Variants in FOXN3 observed in about 807,000 individuals in gnomAD.
FOXN3 encodes forkhead box N3, also known as forkhead box protein N3.
FOXN3 carries 7 observed loss-of-function variants against 38.4 expected under a neutral mutation model. The observed-to-expected ratio is 0.18, with a 90% confidence interval of 0.10 to 0.34. FOXN3 has a LOEUF of 0.34. Among genes scored for constraint, FOXN3 ranks in the 10% least tolerant of loss-of-function variants. The pLI, the probability that FOXN3 is intolerant of heterozygous loss-of-function variation, is 1.00. For synonymous variants in FOXN3, 230 were observed against 242.2 expected (o/e 0.95, Z 0.47); for missense variants, 456 against 613.4 (o/e 0.74, Z 2.71).
In FOXN3 at chr14:89,161,771, C is replaced by T. The variant is rs1887111870; in HGVS notation, c.*643G>A. 1 of 152,310 alleles carries T rather than the reference C, an allele frequency of 6.6e-6. No individual in the cohort carries two copies. Among genetic ancestry groups the T allele is most frequent in the Admixed American group, 6.5e-5 (1 of 15,282 alleles). 9.4% of individuals were successfully genotyped at this position (152,310 alleles called of 1,614,324 possible). A position where few individuals can be genotyped will look rare whatever the true frequency, so the allele number is the denominator to read the frequency against. On this transcript the variant is annotated 3_prime_UTR_variant, in exon 6 of 6. Transcript: ENST00000557258. The stretch of plus-strand genomic sequence containing the variant: ...GTCCAACGTCCACCTCGTAAGATGT[C>T]ATCGGGCTTCAGGGTTCAGAAGCAT...
At chr14:89,437,328 G>A (rs749995786) in intron 1 of FOXN3, among the ~76,000 whole-genome samples, 21 of 152,256 alleles carry the variant, frequency 1.4e-4, no homozygotes, top group Admixed American at 2.0e-4. Context: ...TCTAGAACCT[G>A]AGGCAAAACA....
At chr14:89,442,153 T>C (rs1055197007) in intron 1 of FOXN3, among the ~76,000 whole-genome samples, 11 of 152,110 alleles carry the variant, frequency 7.2e-5, no homozygotes, top group Admixed American at 1.3e-4. Flanking sequence ...CTCGAACTCC[T>C]GACCTCAGAT....
At chr14:89,573,187 G>C (rs1895531191) in intron 1 of FOXN3, among the ~76,000 whole-genome samples, 1 of 152,204 alleles carries the variant, frequency 6.6e-6, no homozygotes, top group Non-Finnish European at 1.5e-5. Context: ...GCCCCGATTA[G>C]ATCAGCCGCC....
At chr14:89,599,559 T>A (rs976640091) in intron 1 of FOXN3, among the ~76,000 whole-genome samples, 2 of 147,138 alleles carry the variant, frequency 1.4e-5, no homozygotes, top group African/African-American at 5.4e-5. Context: ...TTTGTTTATT[T>A]TTTATTGTTT....
At chr14:89,606,708 G>C (rs1896282772) in intron 1 of FOXN3, among the ~76,000 whole-genome samples, 1 of 152,136 alleles carries the variant, frequency 6.6e-6, no homozygotes, top group South Asian at 2.1e-4. Flanking sequence ...AAATTAGCTG[G>C]GTGTGGTGGC....
intron 2 of FOXN3, among the ~76,000 whole-genome samples, chr14:89,392,474 A>G (rs1432945901): frequency 6.6e-6 from 1 of 152,182 alleles, no homozygotes; most frequent in Non-Finnish European, 1.5e-5. Flanking sequence ...TCCAGGTGTC[A>G]GCAGGGCTGG....
chr14:89,171,200 AAAG>A (rs1566920398), intron 5 of FOXN3, among the ~76,000 whole-genome samples: 3 of 152,208 alleles, frequency 2.0e-5, no homozygotes, highest in Non-Finnish European at 4.4e-5. Context: ...ATATATTTGA[AAAG>A]AAAAACCCCT....
intron 1 of FOXN3, among the ~76,000 whole-genome samples, chr14:89,459,180 G>T (rs1019320592): frequency 6.6e-6 from 1 of 151,850 alleles, no homozygotes; most frequent in African/African-American, 2.4e-5. Context: ...AAGAAAAAAA[G>T]GGGAAAAAAA....
At chr14:89,368,038 C>G (rs10484024) in intron 2 of FOXN3, among the ~76,000 whole-genome samples, 1 of 151,986 alleles carries the variant, frequency 6.6e-6, no homozygotes, top group Admixed American at 6.6e-5. Context: ...GCTATCAAAA[C>G]GAATCCCAGG....
At chr14:89,467,079 G>A (rs948302087) in intron 1 of FOXN3, among the ~76,000 whole-genome samples, 2 of 152,162 alleles carry the variant, frequency 1.3e-5, no homozygotes, top group African/African-American at 4.8e-5. Flanking sequence ...ATCCAGGACG[G>A]AGCCTGCTGG....
chr14:89,381,874 G>A (rs1890659213), intron 2 of FOXN3, among the ~76,000 whole-genome samples: 1 of 151,732 alleles, frequency 6.6e-6, no homozygotes. Context: ...GAAGGGAAGG[G>A]GAAAGGGAGG....
At chr14:89,351,920 G>A (rs1461993120) in intron 2 of FOXN3, among the ~76,000 whole-genome samples, 1 of 152,122 alleles carries the variant, frequency 6.6e-6, no homozygotes, top group Non-Finnish European at 1.5e-5. Flanking sequence ...CTTTTTAAAA[G>A]TTTAAAAAAA....
intron 4 of FOXN3, among the ~76,000 whole-genome samples, chr14:89,233,178 G>C (rs552529389): frequency 6.6e-6 from 1 of 152,354 alleles, no homozygotes; most frequent in Non-Finnish European, 1.5e-5. Context: ...CCAAGATGCT[G>C]TATATGCAAT....
At chr14:89,182,632 C>A (rs1025709475) in intron 4 of FOXN3, among the ~76,000 whole-genome samples, 1 of 152,240 alleles carries the variant, frequency 6.6e-6, no homozygotes, top group Admixed American at 6.5e-5. Flanking sequence ...TGGTATGCAG[C>A]GAATTATCAT....
At chr14:89,529,142 AC>A (rs1225332492) in intron 1 of FOXN3, among the ~76,000 whole-genome samples, 1 of 152,130 alleles carries the variant, frequency 6.6e-6, no homozygotes, top group Admixed American at 6.5e-5. Context: ...CAATCCCAAA[AC>A]CCAAATTTCT....
intron 1 of FOXN3, among the ~76,000 whole-genome samples, chr14:89,511,535 C>T (rs2139809138): frequency 6.6e-6 from 1 of 151,934 alleles, no homozygotes; most frequent in East Asian, 1.9e-4. Context: ...GCCACTGCAT[C>T]CAGCCGACCT....
At chr14:89,352,533 C>T (rs914122106) in intron 2 of FOXN3, among the ~76,000 whole-genome samples, 1 of 152,162 alleles carries the variant, frequency 6.6e-6, no homozygotes, top group Non-Finnish European at 1.5e-5. Context: ...CTGATTCCAT[C>T]AAAGGCTCCC....
upstream of FOXN3, chr14:89,417,862 A>C (rs1334882986): frequency 2.4e-6 from 1 of 424,646 alleles, no homozygotes; most frequent in Non-Finnish European, 4.8e-6. Flanking sequence ...TGGCCATTAC[A>C]AGACAAGAGG....
intron 1 of FOXN3, among the ~76,000 whole-genome samples, chr14:89,603,016 A>C (rs1896184276): frequency 6.6e-6 from 1 of 152,160 alleles, no homozygotes; most frequent in Non-Finnish European, 1.5e-5. Flanking sequence ...GCTGTTCATC[A>C]AACCTGTTTC....
Sources: allele counts gnomAD v4.1 joint callset (sites outside exome capture counted in the v4.1 genomes callset), GRCh38; gene constraint gnomAD v4.1.1; transcripts MANE v1.5; gene names NCBI Gene and HGNC (gene_info 2026-07-23, HGNC 2026-07-21).